The following NINL variants were observed in gnomAD, a reference collection of about 807,000 sequenced individuals.
The protein encoded by NINL is ninein-like protein.
In NINL, 153 loss-of-function variants were observed where a neutral mutation model predicts 160.3. The ratio of observed to expected loss-of-function variants is 0.95; its 90% CI spans 0.84 to 1.09. NINL has a LOEUF of 1.09. Ranked by LOEUF, NINL falls within the 50% of genes least tolerant of loss-of-function variation. The pLI is 0.00. For missense variants in NINL, 1,829 were observed against 1,764.0 expected (o/e 1.04, Z -0.66); for synonymous variants, 800 against 734.8 (o/e 1.09, Z -1.43).
At chr20:25,504,455 G>C (rs1169526534) in intron 6 of NINL, among the ~76,000 whole-genome samples, 1 of 152,224 alleles carries the variant, frequency 6.6e-6, no homozygotes, top group Non-Finnish European at 1.5e-5. Context: ...ACACAGGGCT[G>C]AGAAGAACTC....
intron 1 of NINL, among the ~76,000 whole-genome samples, chr20:25,540,967 C>T (rs1236035675): frequency 6.6e-6 from 1 of 150,414 alleles, no homozygotes; most frequent in Admixed American, 6.6e-5. Flanking sequence ...GTTTAAGAAG[C>T]TTTTTTATTG....
At chr20:25,569,870 C>T (rs2147165752) in intron 1 of NINL, among the ~76,000 whole-genome samples, 1 of 152,248 alleles carries the variant, frequency 6.6e-6, no homozygotes, top group Middle Eastern at 3.4e-3. Flanking sequence ...GCCTCGCTGG[C>T]ACATCTGATT....
chr20:25,564,987 G>A (rs1041717345), intron 1 of NINL, among the ~76,000 whole-genome samples: 2 of 152,104 alleles, frequency 1.3e-5, no homozygotes, highest in Admixed American at 1.3e-4. Context: ...GATGATTGCT[G>A]GAAGCTGATT....
intron 1 of NINL, among the ~76,000 whole-genome samples, chr20:25,544,313 C>T (rs1009385741): frequency 3.9e-5 from 6 of 152,118 alleles, no homozygotes; most frequent in Non-Finnish European, 4.4e-5. Flanking sequence ...GCCCACAGAA[C>T]CATCTATCTT....
chr20:25,557,699 T>C (rs2064884607), intron 1 of NINL, among the ~76,000 whole-genome samples: 1 of 151,990 alleles, frequency 6.6e-6, no homozygotes, highest in African/African-American at 2.4e-5. Context: ...AAATGGACAA[T>C]TCCACAAGCA....
intron 1 of NINL, among the ~76,000 whole-genome samples, chr20:25,532,223 G>A (rs2064477182): frequency 1.3e-5 from 2 of 152,228 alleles, no homozygotes; most frequent in Non-Finnish European, 2.9e-5. Context: ...TTCCATGCGT[G>A]GGGCTCTCAG....
chr20:25,561,946 GT>G (rs1429001324), intron 1 of NINL, among the ~76,000 whole-genome samples: 16 of 149,782 alleles, frequency 1.1e-4, no homozygotes, highest in Admixed American at 2.0e-4. Context: ...CGGGAGGGAG[GT>G]GGGGGGTCAG....
chr20:25,560,600 T>A lies in NINL; in HGVS notation c.-12+24855A>T, dbSNP rs142325658. Among the ~76,000 whole-genome samples, 255 of 152,262 alleles carry A rather than the reference T, an allele frequency of 1.7e-3. 3 individuals are homozygous for A. The highest frequency in any genetic ancestry group is 5.8e-3 in the African/African-American group (239 of 41,556). Reference sequence around the variant, plus strand: ...TGGTTTCTGTCACTTCCCCAGGATCTTCAAGGAGTGGGCTGAAGATCTCTT... The same window carrying A: ...TGGTTTCTGTCACTTCCCCAGGATCATCAAGGAGTGGGCTGAAGATCTCTT... On this transcript the variant is annotated intron_variant, in intron 1 of 23. Coordinates refer to ENST00000278886, the MANE Select transcript of NINL (RefSeq NM_025176.6).
intron 9 of NINL, among the ~76,000 whole-genome samples, chr20:25,497,013 G>A (rs866057745): frequency 1.6e-4 from 24 of 152,212 alleles, no homozygotes; most frequent in African/African-American, 4.6e-4. Context: ...GAGGGGCCAC[G>A]TGACTTGGCA....
At chr20:25,547,230 C>A (rs1421825587) in intron 1 of NINL, among the ~76,000 whole-genome samples, 3 of 152,116 alleles carry the variant, frequency 2.0e-5, no homozygotes, top group African/African-American at 7.2e-5. Flanking sequence ...ATGGACCAAC[C>A]CTGGGATTAG....
chr20:25,483,909 G>C (rs953971503), intron 13 of NINL, among the ~76,000 whole-genome samples: 2 of 152,206 alleles, frequency 1.3e-5, no homozygotes, highest in Admixed American at 1.3e-4. Flanking sequence ...TGCAGCCTGA[G>C]TGGGACTTGT....
At chr20:25,469,052 C>T (rs553932196) in intron 18 of NINL, among the ~76,000 whole-genome samples, 189 of 130,808 alleles carry the variant, frequency 1.4e-3, no homozygotes, top group African/African-American at 3.6e-3. Context: ...CCCTGTCCCC[C>T]AACTCTCACT....
intron 2 of NINL, among the ~76,000 whole-genome samples, chr20:25,522,635 G>T (rs1355960263): frequency 6.6e-6 from 1 of 152,168 alleles, no homozygotes; most frequent in South Asian, 2.1e-4. Flanking sequence ...TTGCAATTTT[G>T]CTCATTCTAA....
chr20:25,464,716 C>T (rs754495721), intron 19 of NINL, among the ~76,000 whole-genome samples: 2 of 152,200 alleles, frequency 1.3e-5, no homozygotes, highest in South Asian at 2.1e-4. Flanking sequence ...ATTTTGTCAA[C>T]GAGCCTGGCA....
At position 25,482,745 on chromosome 20, in the gene NINL, C is replaced by T. The variant is rs1027217706; in HGVS notation, c.1678-645G>A. 4.7e-5 allele frequency among the ~76,000 whole-genome samples: 7 copies of T among 148,076 alleles called. No individual in the cohort carries two copies. In the South Asian group the frequency reaches 1.2e-3, roughly 25 times the overall value. The stretch of plus-strand genomic sequence containing the variant: ...AAATGTAGAAAATGCAGAGTATGGC[C>T]GGGCATGGTGGCTCACGCCTGTAAT... On this transcript the variant is annotated intron_variant, in intron 13 of 23. Coordinates refer to ENST00000278886, the MANE Select transcript of NINL (RefSeq NM_025176.6).
At chr20:25,499,154 C>T (rs6115198) in intron 8 of NINL, 1 of 985,450 alleles carries the variant, frequency 1.0e-6, no homozygotes, top group Non-Finnish European at 1.2e-6. Flanking sequence ...ACTTTCCACA[C>T]TGCCCACTTC....
intron 16 of NINL, among the ~76,000 whole-genome samples, chr20:25,477,682 C>T (rs1272665894): frequency 1.3e-5 from 2 of 152,178 alleles, no homozygotes; most frequent in African/African-American, 2.4e-5. Flanking sequence ...CACCTCCAAG[C>T]ATTGGCAGAT....
intron 1 of NINL, among the ~76,000 whole-genome samples, chr20:25,542,152 T>C (rs2064673571): frequency 6.6e-6 from 1 of 152,142 alleles, no homozygotes; most frequent in South Asian, 2.1e-4. Flanking sequence ...AGGGTTTTGG[T>C]TGGTCTAGTG....
chr20:25,468,599 T>A (rs1383857280), intron 18 of NINL, among the ~76,000 whole-genome samples: 3 of 44,652 alleles, frequency 6.7e-5, no homozygotes, highest in African/African-American at 1.0e-4. Flanking sequence ...TCTGTGCCCC[T>A]CTGTCCTGTC....
Sources: allele counts gnomAD v4.1 joint callset (sites outside exome capture counted in the v4.1 genomes callset), GRCh38; gene constraint gnomAD v4.1.1; transcripts MANE v1.5; gene names NCBI Gene and HGNC (gene_info 2026-07-23, HGNC 2026-07-21).